The following CATSPERB variants were observed in gnomAD, a reference collection of about 807,000 sequenced individuals.
CATSPERB encodes cation channel sperm-associated auxiliary subunit beta.
Under a neutral mutation model 128.3 loss-of-function variants are expected in CATSPERB, and 93 were observed. The ratio of observed to expected loss-of-function variants is 0.72; its 90% CI spans 0.61 to 0.86. The LOEUF (loss-of-function observed/expected upper bound fraction) is 0.86, where lower values mean the gene tolerates loss of function less well. Among genes scored for constraint, CATSPERB ranks in the 40% least tolerant of loss-of-function variants. The pLI, the probability that CATSPERB is intolerant of heterozygous loss-of-function variation, is 0.00. For missense variants in CATSPERB, 1,153 were observed against 1,329.5 expected, an observed-to-expected ratio of 0.87 and a Z score of 2.06; for synonymous variants, 381 against 448.8, an observed-to-expected ratio of 0.85 and a Z score of 1.91.
At chr14:91,681,022 C>T (rs1016745344) in intron 11 of CATSPERB, among the ~76,000 whole-genome samples, 1 of 152,122 alleles carries the variant, frequency 6.6e-6, no homozygotes, top group African/African-American at 2.4e-5. Context: ...GACCTAAGCC[C>T]ATGCCAGAAA....
intron 7 of CATSPERB, among the ~76,000 whole-genome samples, chr14:91,694,588 C>G (rs574007061): frequency 6.6e-6 from 1 of 151,508 alleles, no homozygotes; most frequent in South Asian, 2.1e-4. Context: ...TTCAGGAGTA[C>G]AATTTTAGTT....
chr14:91,723,911 GA>G (rs1896075692), intron 3 of CATSPERB, among the ~76,000 whole-genome samples: 1 of 152,064 alleles, frequency 6.6e-6, no homozygotes, highest in Admixed American at 6.6e-5. Flanking sequence ...GGAAAAGATA[GA>G]AAAAATGAAA....
At chr14:91,629,593 T>A (rs768968447) in intron 17 of CATSPERB, among the ~76,000 whole-genome samples, 18 of 152,180 alleles carry the variant, frequency 1.2e-4, no homozygotes, top group Admixed American at 2.0e-4. Context: ...GGGATGTGGA[T>A]AGTGGGGAAG....
intron 14 of CATSPERB, among the ~76,000 whole-genome samples, chr14:91,668,156 G>A (rs1013369087): frequency 1.3e-5 from 2 of 152,200 alleles, no homozygotes; most frequent in Non-Finnish European, 2.9e-5. Context: ...CATTTGGGGT[G>A]TCCTGTTTAG....
chr14:91,585,677 T>C (rs1383177486), intron 26 of CATSPERB, among the ~76,000 whole-genome samples: 1 of 152,228 alleles, frequency 6.6e-6, no homozygotes, highest in Non-Finnish European at 1.5e-5. Context: ...ATTGCATTTG[T>C]GGTCCTTTGT....
intron 22 of CATSPERB, chr14:91,592,217 C>A: frequency 1.8e-6 from 1 of 545,248 alleles, no homozygotes; most frequent in South Asian, 2.2e-5. Flanking sequence ...CCAAGTATTA[C>A]TCAGCCGCTT....
At chr14:91,604,360 A>C (rs1015430833) in intron 22 of CATSPERB, 8 of 848,782 alleles carry the variant, frequency 9.4e-6, no homozygotes, top group Non-Finnish European at 1.6e-5. Context: ...GGATTCAGCC[A>C]GTGCCCAGAC....
Position 91,725,177 on chromosome 14 carries a change from T to A in CATSPERB, c.80-9A>T, listed in dbSNP as rs560882551. ...GCGTTTCTCTGTATCATCTAAATAA[T>A]AAAAAAAATACATATATTAGATCAC... On this transcript the variant is annotated splice_polypyrimidine_tract_variant and intron_variant, in intron 2 of 26. Coordinates refer to ENST00000256343, the MANE Select transcript of CATSPERB (RefSeq NM_024764.4). 2.9e-6 allele frequency: 4 copies of A among 1,396,940 alleles called. No homozygotes were observed. Among genetic ancestry groups the A allele is most frequent in the Admixed American group, 4.4e-5 (2 of 45,142 alleles). 86.5% of individuals were successfully genotyped at this position (1,396,940 alleles called of 1,614,324 possible). A position where few individuals can be genotyped will look rare whatever the true frequency, so the allele number is the denominator to read the frequency against.
At chr14:91,727,884 T>A (rs1896144330) in intron 2 of CATSPERB, among the ~76,000 whole-genome samples, 1 of 152,140 alleles carries the variant, frequency 6.6e-6, no homozygotes, top group African/African-American at 2.4e-5. Flanking sequence ...GAAGAGGAAA[T>A]CAAGCTCAAA....
intron 10 of CATSPERB, among the ~76,000 whole-genome samples, chr14:91,687,804 A>C (rs1354047563): frequency 6.6e-6 from 1 of 152,078 alleles, no homozygotes; most frequent in East Asian, 1.9e-4. Context: ...AAAATACAAA[A>C]ATTAGCTGAG....
chr14:91,623,683 C>G (rs542382023), intron 18 of CATSPERB, among the ~76,000 whole-genome samples: 1 of 152,306 alleles, frequency 6.6e-6, no homozygotes, highest in East Asian at 1.9e-4. Flanking sequence ...TCCTTGCTTT[C>G]TCTCCATCAC....
chr14:91,660,050 C>A (rs1487355140), intron 14 of CATSPERB, 69 bp from the exon 15 acceptor site: 2 of 1,419,884 alleles, frequency 1.4e-6, no homozygotes, highest in Non-Finnish European at 1.9e-6. Flanking sequence ...ACCTATCAGC[C>A]TACATGAGAA....
At chr14:91,585,819 G>A (rs931907347) in intron 26 of CATSPERB, among the ~76,000 whole-genome samples, 4 of 152,078 alleles carry the variant, frequency 2.6e-5, no homozygotes, top group Admixed American at 6.6e-5. Flanking sequence ...GAATAATATC[G>A]GATTGCATCC....
rs1441799913 is a variant in CATSPERB, at chr14:91,583,194, A to G, written c.3133-2087T>C. On this transcript the variant is annotated intron_variant, in intron 26 of 26. Transcript: ENST00000256343. ...AGCACTTTGGGAGGCCAAGGCGGGCAGATCACGAGGTCAGGAGATTGAGAC... is the reference window on the plus strand; with the variant it reads ...AGCACTTTGGGAGGCCAAGGCGGGCGGATCACGAGGTCAGGAGATTGAGAC... 2.0e-5 allele frequency among the ~76,000 whole-genome samples: 3 copies of G among 152,174 alleles called. No individual in the cohort carries two copies. The East Asian group carries it at 5.8e-4, about 29-fold the overall frequency.
chr14:91,607,026 A>C (rs1284192228), intron 22 of CATSPERB, among the ~76,000 whole-genome samples: 3 of 135,280 alleles, frequency 2.2e-5, no homozygotes, highest in African/African-American at 8.3e-5. Flanking sequence ...GAGCTTCTTA[A>C]CCTGAAACCC....
At chr14:91,679,188 C>T (rs978171945) in intron 11 of CATSPERB, among the ~76,000 whole-genome samples, 1 of 152,040 alleles carries the variant, frequency 6.6e-6, no homozygotes, top group African/African-American at 2.4e-5. Flanking sequence ...GTTTATAAAA[C>T]TTGTAGAATT....
intron 14 of CATSPERB, among the ~76,000 whole-genome samples, chr14:91,664,259 CTTTTTTTTTTTT>C (rs750623098): frequency 1.7e-5 from 2 of 115,716 alleles, no homozygotes; most frequent in African/African-American, 3.2e-5. Flanking sequence ...TCTTCCATGT[CTTTTTTTTTTTT>C]TTTTTTTTTT....
At chr14:91,683,854 G>A (rs1895328100) in intron 11 of CATSPERB, 23 bp downstream of exon 11, 2 of 1,484,060 alleles carry the variant, frequency 1.3e-6, no homozygotes, top group Non-Finnish European at 1.9e-6. Flanking sequence ...TCTTAATACA[G>A]TATATCTTTA....
intron 15 of CATSPERB, among the ~76,000 whole-genome samples, chr14:91,650,057 A>T (rs1159078917): frequency 6.6e-6 from 1 of 152,324 alleles, no homozygotes; most frequent in East Asian, 1.9e-4. Flanking sequence ...ACAGCTTGGG[A>T]ATTGAGACAC....
Sources: allele counts gnomAD v4.1 joint callset (sites outside exome capture counted in the v4.1 genomes callset), GRCh38; gene constraint gnomAD v4.1.1; transcripts MANE v1.5; gene names NCBI Gene and HGNC (gene_info 2026-07-23, HGNC 2026-07-21).